Variants in USP22 observed in about 807,000 individuals in gnomAD.
USP22 encodes ubiquitin carboxyl-terminal hydrolase 22.
Under a neutral mutation model 68.1 loss-of-function variants are expected in USP22, and 22 were observed. That is an observed-to-expected ratio of 0.32 (90% CI 0.23 to 0.46). The LOEUF is 0.46. Among genes scored for constraint, USP22 ranks in the 20% least tolerant of loss-of-function variants. USP22 has a pLI of 1.00. For synonymous variants in USP22, 279 were observed against 274.2 expected (o/e 1.02, Z -0.17); for missense variants, 433 against 695.8 (o/e 0.62, Z 4.25).
chr17:21,008,105 A>G (rs1405591466), intron 8 of USP22, 109 bp from the exon 9 acceptor site: 42 of 1,296,152 alleles, frequency 3.2e-5, no homozygotes, highest in Non-Finnish European at 4.3e-5. Flanking sequence ...CCTACCAAAA[A>G]CATACACTTA....
intron 2 of USP22, among the ~76,000 whole-genome samples, chr17:21,024,099 C>CA (rs1365808505): frequency 2.0e-5 from 3 of 152,190 alleles, no homozygotes; most frequent in African/African-American, 7.2e-5. Context: ...AAAATGCCAA[C>CA]AACGATGTTA....
At chr17:21,034,841 A>G (rs979608319) in intron 1 of USP22, among the ~76,000 whole-genome samples, 4 of 152,216 alleles carry the variant, frequency 2.6e-5, no homozygotes, top group African/African-American at 7.2e-5. Flanking sequence ...TAAGAAAACA[A>G]TATCAAATAA....
Position 21,006,995 on chromosome 17 carries a change from A to G in USP22, c.1231-8T>C. The G allele has an allele frequency of 6.3e-7, 1 of 1,592,262 alleles. No individual in the cohort carries two copies. Among genetic ancestry groups the G allele is most frequent in the Non-Finnish European group, 8.6e-7 (1 of 1,167,982 alleles). ...GGCTGAGTGTTCAAATCGCTGCAGA[A>G]ATAGGAAGGGGACAGAGGGAAGAGG... On this transcript the variant is annotated splice_region_variant and splice_polypyrimidine_tract_variant and intron_variant, in intron 9 of 12. Transcript: ENST00000261497.
chr17:21,018,661 G>A (rs1474323664), intron 4 of USP22, among the ~76,000 whole-genome samples: 1 of 151,850 alleles, frequency 6.6e-6, no homozygotes, highest in African/African-American at 2.4e-5. Context: ...GCAGTGAACT[G>A]TGCTCCAGCC....
At chr17:21,025,801 A>G (rs541903769) in intron 2 of USP22, among the ~76,000 whole-genome samples, 2 of 152,368 alleles carry the variant, frequency 1.3e-5, no homozygotes, top group East Asian at 3.9e-4. Context: ...GAGAACCCAC[A>G]GAGACAGAAG....
At chr17:21,006,159 A>G (rs1042348492) in intron 10 of USP22, among the ~76,000 whole-genome samples, 1 of 152,180 alleles carries the variant, frequency 6.6e-6, no homozygotes, top group East Asian at 1.9e-4. Context: ...GTTTTTGGTC[A>G]TTTGTCACAG....
At chr17:21,039,203 G>A (rs968123918) in intron 1 of USP22, among the ~76,000 whole-genome samples, 5 of 151,472 alleles carry the variant, frequency 3.3e-5, no homozygotes, top group African/African-American at 9.7e-5. Context: ...CGCCCGCCTC[G>A]GCCTCCCAAC....
chr17:21,010,124 A>C (rs1913908570), intron 8 of USP22, among the ~76,000 whole-genome samples: 2 of 152,136 alleles, frequency 1.3e-5, no homozygotes, highest in Admixed American at 6.5e-5. Flanking sequence ...TGATGGCACC[A>C]CTGCACTCCA....
chr17:21,003,195 G>T lies in USP22; in HGVS notation c.1536-122C>A, dbSNP rs113085305. ...TGCACAGGTCGGCCAGGCCCGAGTTGATGGTTTTGGCTTTTTAGTCCGCAA... is the reference window on the plus strand; with the variant it reads ...TGCACAGGTCGGCCAGGCCCGAGTTTATGGTTTTGGCTTTTTAGTCCGCAA... On this transcript the variant is annotated intron_variant, in intron 12 of 12. Transcript: ENST00000261497. 159 of 1,205,594 alleles carry T rather than the reference G, an allele frequency of 1.3e-4. 3 individuals are homozygous for T. The African/African-American group carries it at 1.8e-3, about 14-fold the overall frequency. The allele number at this position is 1,205,594 out of a possible 1,614,324, so 74.7% of individuals were successfully genotyped here. A position where few individuals can be genotyped will look rare whatever the true frequency, so the allele number is the denominator to read the frequency against.
In USP22 at chr17:21,011,232, A is replaced by G; in HGVS notation, c.1022T>C (p.Leu341Pro). 1.2e-6 allele frequency: 2 copies of G among 1,607,890 alleles called. No homozygotes were observed. Reference protein sequence around the residue: ...LPGSSTPFWPLSPGSEGNVVN... With the variant: ...LPGSSTPFWPPSPGSEGNVVN... Reference sequence around the variant, plus strand: ...CACGTTGCCCTCGCTCCCTGGGCTCAGGGGCCAGAATGGGGTGGAAGAGCC... The same window carrying G: ...CACGTTGCCCTCGCTCCCTGGGCTCGGGGGCCAGAATGGGGTGGAAGAGCC... The change falls in exon 8 of 13, where the codon CTG (leucine) becomes CCG (proline). Residue 341 changes from leucine (L) to proline (P), a missense_variant. By Grantham distance (98) the Leu-to-Pro change is moderately conservative (BLOSUM62 -3). Transcript: ENST00000261497.
chr17:21,004,802 C>T (rs1212045433), intron 11 of USP22, 126 bp downstream of exon 11: 1 of 463,454 alleles, frequency 2.2e-6, no homozygotes, highest in African/African-American at 2.0e-5. Context: ...AGTGGAGCTG[C>T]GGGCAGCCAA....
At position 21,002,934 on chromosome 17, in the gene USP22, G is replaced by A. The variant is rs1913639876; in HGVS notation, c.*97C>T. On this transcript the variant is annotated 3_prime_UTR_variant, in exon 13 of 13. Coordinates refer to ENST00000261497, the MANE Select transcript of USP22 (RefSeq NM_015276.2). ...GAGGTGGTGTCACCAGGCCGGGGAGGCGGCGGGAGACTTGGGGGAGGGGGG... is the reference window on the plus strand; with the variant it reads ...GAGGTGGTGTCACCAGGCCGGGGAGACGGCGGGAGACTTGGGGGAGGGGGG... The A allele has an allele frequency of 1.0e-5, 15 of 1,475,218 alleles. No homozygotes were observed. Among genetic ancestry groups the A allele is most frequent in the Middle Eastern group, 2.4e-4 (1 of 4,112 alleles). 91.4% of individuals were successfully genotyped at this position (1,475,218 alleles called of 1,614,324 possible).
At chr17:21,024,538 C>T (rs1394371066) in intron 2 of USP22, among the ~76,000 whole-genome samples, 2 of 152,098 alleles carry the variant, frequency 1.3e-5, no homozygotes, top group East Asian at 1.9e-4. Context: ...AAAATTAACT[C>T]GAATGGATCA....
intron 2 of USP22, among the ~76,000 whole-genome samples, chr17:21,022,296 T>TA (rs1193976867): frequency 6.6e-6 from 1 of 152,180 alleles, no homozygotes; most frequent in Non-Finnish European, 1.5e-5. Context: ...GTCCAGTTTT[T>TA]AATTGTCAAC....
chr17:21,002,795 C>T lies in USP22; in HGVS notation c.*236G>A, dbSNP rs1913633508. 2.0e-6 allele frequency: 1 copy of T among 508,328 alleles called. No individual in the cohort carries two copies. Among genetic ancestry groups the T allele is most frequent in the Non-Finnish European group, 3.6e-6 (1 of 276,942 alleles). 31.5% of individuals were successfully genotyped at this position (508,328 alleles called of 1,614,324 possible). A position where few individuals can be genotyped will look rare whatever the true frequency, so the allele number is the denominator to read the frequency against. Reference sequence around the variant, plus strand: ...GACGGGTGTACGCTGCTCCTCCCACCCAGAGCACACCCCTCATCTCATCCA... The same window carrying T: ...GACGGGTGTACGCTGCTCCTCCCACTCAGAGCACACCCCTCATCTCATCCA... On this transcript the variant is annotated 3_prime_UTR_variant, in exon 13 of 13. Transcript: ENST00000261497.
chr17:21,023,020 T>C (rs1285522047), intron 2 of USP22, among the ~76,000 whole-genome samples: 2 of 152,188 alleles, frequency 1.3e-5, no homozygotes, highest in African/African-American at 2.4e-5. Context: ...GATCATGTCG[T>C]TTGCAGGAAC....
intron 11 of USP22, 104 bp downstream of exon 11, chr17:21,004,824 G>C: frequency 7.6e-7 from 1 of 1,318,044 alleles, no homozygotes; most frequent in Non-Finnish European, 1.1e-6. Flanking sequence ...CGGGAAGCAG[G>C]TCAGTGGCGG....
rs909646023 is a variant in USP22 at position 21,032,859 on chromosome 17, G to A, written c.172-4185C>T. On this transcript the variant is annotated intron_variant, in intron 1 of 12. Transcript: ENST00000261497. ...GATGGTTTGAGCCCAGGAGGTCAAG[G>A]CTGCAGTGAGCCAAGATCGCACCAC... 3.5e-5 allele frequency among the ~76,000 whole-genome samples: 5 copies of A among 143,746 alleles called. No individual in the cohort carries two copies. The Admixed American group carries it at 3.6e-4, about 10-fold the overall frequency. 94.3% of individuals were successfully genotyped at this position (143,746 alleles called of 152,430 possible). A position where few individuals can be genotyped will look rare whatever the true frequency, so the allele number is the denominator to read the frequency against.
At chr17:21,030,028 AT>A (rs1307043771) in intron 1 of USP22, among the ~76,000 whole-genome samples, 1 of 152,260 alleles carries the variant, frequency 6.6e-6, no homozygotes, top group Non-Finnish European at 1.5e-5. Flanking sequence ...GATTAAAAAA[AT>A]ATATTAAGTT....
Sources: allele counts gnomAD v4.1 joint callset (sites outside exome capture counted in the v4.1 genomes callset), GRCh38; gene constraint gnomAD v4.1.1; transcripts MANE v1.5; gene names NCBI Gene and HGNC (gene_info 2026-07-23, HGNC 2026-07-21).